The following GPR107 variants were observed in gnomAD, a reference collection of about 807,000 sequenced individuals.
GPR107 encodes the protein protein GPR107.
Under a neutral mutation model 75.5 loss-of-function variants are expected in GPR107, and 31 were observed. That is an observed-to-expected ratio of 0.41 (90% confidence interval 0.31 to 0.55). The LOEUF (loss-of-function observed/expected upper bound fraction) is 0.55, where lower values mean the gene tolerates loss of function less well. Ranked by LOEUF, GPR107 falls within the 20% of genes least tolerant of loss-of-function variation. The pLI is 0.26. For synonymous variants in GPR107, 267 were observed against 251.3 expected (o/e 1.06, Z -0.59); for missense variants, 572 against 665.7 (o/e 0.86, Z 1.55).
At chr9:130,068,882 G>T (rs1830132374) in intron 1 of GPR107, among the ~76,000 whole-genome samples, 1 of 151,978 alleles carries the variant, frequency 6.6e-6, no homozygotes, top group African/African-American at 2.4e-5. Context: ...GGGACCACAG[G>T]TGCACACTGC....
chr9:130,087,936 TC>T (rs1379898585), intron 7 of GPR107, among the ~76,000 whole-genome samples: 1 of 152,170 alleles, frequency 6.6e-6, no homozygotes, highest in Non-Finnish European at 1.5e-5. Flanking sequence ...GTTTCCATCT[TC>T]TGCGAAAGCC....
intron 17 of GPR107, among the ~76,000 whole-genome samples, chr9:130,130,424 CTCAT>C (rs1274714978): frequency 6.6e-6 from 1 of 152,172 alleles, no homozygotes; most frequent in East Asian, 1.9e-4. Context: ...GAACGCTGTC[CTCAT>C]TCATGGTTGC....
rs533159740 is a variant in GPR107 at position 130,127,654 on chromosome 9, C to G, written c.1440+88C>G. 117 of 758,990 alleles carry G rather than the reference C, an allele frequency of 1.5e-4. No individual in the cohort carries two copies. The South Asian group carries it at 1.8e-3, about 11-fold the overall frequency. 47.0% of individuals were successfully genotyped at this position (758,990 alleles called of 1,614,324 possible). A position where few individuals can be genotyped will look rare whatever the true frequency, so the allele number is the denominator to read the frequency against. On this transcript the variant is annotated intron_variant, in intron 16 of 17. Coordinates refer to ENST00000347136, the MANE Select transcript of GPR107 (RefSeq NM_020960.5). ...AACTTAACAGTTGTTACTAATTTAT[C>G]TGGGAATGACCACTAAGACCTTCCA...
intron 17 of GPR107, chr9:130,133,005 G>A (rs1317794879): frequency 1.3e-4 from 20 of 151,832 alleles, no homozygotes; most frequent in Non-Finnish European, 2.6e-4. Flanking sequence ...ATCTCATGAC[G>A]GGCTTCCTGG....
rs114024908 is a variant in GPR107 at position 130,127,025 on chromosome 9, T to C, written c.1357-458T>C. ...GAGAACTTGGTAGTATTTGTACTTC[T>C]GTGAGTGTGGACCTCGAATGCTTGC... On this transcript the variant is annotated intron_variant, in intron 15 of 17. Transcript: ENST00000347136. 5.3e-3 allele frequency among the ~76,000 whole-genome samples: 804 copies of C among 152,320 alleles called. 7 individuals carry two copies. The highest frequency in any genetic ancestry group is 0.018 in the African/African-American group (768 of 41,556).
chr9:130,083,582 A>T lies in GPR107; in HGVS notation c.544A>T (p.Arg182Ter). The change falls in exon 6 of 18, where the codon AGA becomes TGA. Residue 182 changes from arginine to a stop codon, truncating the protein, a stop_gained. Coordinates refer to ENST00000347136, the MANE Select transcript of GPR107 (RefSeq NM_020960.5). LOFTEE classifies it high-confidence loss of function. ...QKTQDGGKSK[R>*]STVDSKAMGE... ...GCTTCTAGATGGTGGAAAGTCTAAA[A>T]GAAGTACAGTGGATTCAAAGGTAAG... is the stretch of plus-strand genomic sequence containing the variant. 1 of 1,530,202 alleles carries T rather than the reference A, an allele frequency of 6.5e-7. No individual in the cohort carries two copies. Among genetic ancestry groups the T allele is most frequent in the Non-Finnish European group, 8.7e-7 (1 of 1,148,108 alleles). 94.8% of individuals were successfully genotyped at this position (1,530,202 alleles called of 1,614,324 possible).
chr9:130,066,979 C>T (rs1284360339), intron 1 of GPR107, among the ~76,000 whole-genome samples: 1 of 151,444 alleles, frequency 6.6e-6, no homozygotes, highest in Admixed American at 6.6e-5. Flanking sequence ...GAGCGAGACT[C>T]CGTCTCCAAA....
intron 9 of GPR107, among the ~76,000 whole-genome samples, chr9:130,098,351 G>C (rs1265431876): frequency 1.3e-5 from 2 of 152,156 alleles, no homozygotes; most frequent in African/African-American, 4.8e-5. Flanking sequence ...CACCAGCCAT[G>C]AAGGAGAGAG....
Position 130,103,052 on chromosome 9 carries a change from A to G in GPR107, c.1132-1368A>G, listed in dbSNP as rs575758577. Among the ~76,000 whole-genome samples the G allele has an allele frequency of 2.0e-5, 3 of 151,742 alleles. No homozygotes were observed. Among genetic ancestry groups the G allele is most frequent in the Non-Finnish European group, 4.4e-5 (3 of 67,956 alleles). On this transcript the variant is annotated intron_variant, in intron 12 of 17. Coordinates refer to ENST00000347136, the MANE Select transcript of GPR107 (RefSeq NM_020960.5). This position sits in a 1 kb window ranked among gnomAD's most constrained non-coding sequence, Gnocchi z 4.3. ...GCAATCCTTCTGCCTTGGCTCCCCA[A>G]ATTTCTGGGATTATGGGTATGAGCC...
intron 6 of GPR107, among the ~76,000 whole-genome samples, chr9:130,085,754 A>ATTTTTTTGTTTTTTTTTTTTTTTTTT (rs1830598574): frequency 1.3e-5 from 1 of 78,674 alleles, no homozygotes; most frequent in Admixed American, 1.7e-4. Context: ...CAATATTTTG[A>ATTTTTTTGTTTTTTTTTTTTTTTTTT]TTTTTTTTTT....
At chr9:130,092,406 A>G (rs1830763011) in intron 9 of GPR107, 25 bp downstream of exon 9, 1 of 1,595,618 alleles carries the variant, frequency 6.3e-7, no homozygotes, top group Non-Finnish European at 8.6e-7. Context: ...CCTTCAACTT[A>G]AGAGTGTGTT....
chr9:130,090,142 C>T (rs1830700001), intron 7 of GPR107, among the ~76,000 whole-genome samples: 1 of 152,130 alleles, frequency 6.6e-6, no homozygotes, highest in Non-Finnish European at 1.5e-5. Context: ...AAATGTATTT[C>T]AGGGAGATTT....
intron 14 of GPR107, among the ~76,000 whole-genome samples, chr9:130,123,527 T>C (rs1191972590): frequency 6.9e-4 from 9 of 13,084 alleles, no homozygotes; most frequent in African/African-American, 1.9e-3. Flanking sequence ...TTTCTTTTCT[T>C]TTCTTTTTTT....
chr9:130,078,164 C>CA (rs201310482), intron 4 of GPR107, among the ~76,000 whole-genome samples: 1,824 of 98,528 alleles, frequency 0.019, 26 homozygotes, highest in African/African-American at 0.054. Context: ...GACTCCGTCT[C>CA]AAAAAAAAAA....
intron 4 of GPR107, among the ~76,000 whole-genome samples, chr9:130,078,244 C>G (rs1267502498): frequency 6.6e-6 from 1 of 152,028 alleles, no homozygotes; most frequent in Non-Finnish European, 1.5e-5. Context: ...CAACTGCGTA[C>G]TTTGTAATTG....
intron 15 of GPR107, among the ~76,000 whole-genome samples, chr9:130,125,905 A>G (rs986021852): frequency 7.9e-5 from 12 of 152,000 alleles, no homozygotes; most frequent in Non-Finnish European, 1.8e-4. Flanking sequence ...AAATAAAAAA[A>G]TTAGCTGGGC....
At chr9:130,091,124 T>A in intron 8 of GPR107, 141 bp downstream of exon 8, 1 of 616,448 alleles carries the variant, frequency 1.6e-6, no homozygotes, top group East Asian at 3.0e-5. Flanking sequence ...GCAGGATACT[T>A]CAGCAGAGGA....
At chr9:130,121,572 A>G (rs910641457) in intron 14 of GPR107, among the ~76,000 whole-genome samples, 1 of 152,136 alleles carries the variant, frequency 6.6e-6, no homozygotes, top group African/African-American at 2.4e-5. Flanking sequence ...GCTTTGAGCT[A>G]CTTTTCCTTC....
At chr9:130,076,895 T>G (rs1217019412) in intron 3 of GPR107, among the ~76,000 whole-genome samples, 2 of 150,758 alleles carry the variant, frequency 1.3e-5, no homozygotes, top group Admixed American at 6.6e-5. Context: ...TGTTTTTTGT[T>G]TTTTTTTTTG....
Sources: gnomAD v4.1 joint callset for allele counts (sites outside exome capture counted in the v4.1 genomes callset) on GRCh38, gnomAD v4.1.1 for gene constraint, Gnocchi (gnomAD v3.1) non-coding constraint, MANE v1.5 for transcripts, NCBI Gene and HGNC (gene_info 2026-07-23, HGNC 2026-07-21) for gene names.